The following ACOT11 variants were observed in gnomAD, a reference collection of about 807,000 sequenced individuals.
ACOT11 encodes acyl-coenzyme A thioesterase 11.
In ACOT11, 69 loss-of-function variants were observed where a neutral mutation model predicts 77.5. That is an observed-to-expected ratio of 0.89 (90% confidence interval 0.73 to 1.09). The LOEUF (loss-of-function observed/expected upper bound fraction) is 1.09. ACOT11 is among the 50% of genes least tolerant of loss of function. ACOT11 has a pLI of 0.00. For synonymous variants in ACOT11, 279 were observed against 313.0 expected (o/e 0.89, Z 1.15); for missense variants, 766 against 813.7 (o/e 0.94, Z 0.71).
At chr1:54,628,606 A>AAAAAAGG (rs1456514617) in intron 15 of ACOT11, among the ~76,000 whole-genome samples, 3 of 51,034 alleles carry the variant, frequency 5.9e-5, no homozygotes, top group African/African-American at 1.9e-4. Context: ...CCCCCCCCCC[A>AAAAAAGG]AAAAAGGAAA....
In ACOT11 at chr1:54,609,140, CTCCCACTCCATCCTG is replaced by C; in HGVS notation, c.*33_*47del. On this transcript the variant is annotated 3_prime_UTR_variant, in exon 16 of 16. Transcript: ENST00000343744. ...GCCCTCAGTGGCCACATCATGCCCA[CTCCCACTCCATCCTG>C]TCCCCAAGGACTCACATACAGTGCC... is the stretch of plus-strand genomic sequence containing the variant. The C allele has an allele frequency of 1.9e-6, 3 of 1,613,684 alleles. No individual in the cohort carries two copies. The highest frequency in any genetic ancestry group is 1.7e-6 in the Non-Finnish European group (2 of 1,179,750).
At chr1:54,598,610 G>A (rs578220079) in intron 7 of ACOT11, 4 of 152,388 alleles carry the variant, frequency 2.6e-5, no homozygotes, top group Admixed American at 2.6e-4. Context: ...CAGCGCTTTG[G>A]GAGGCTGAGG....
At chr1:54,597,119 C>CA (rs1348788967) in intron 6 of ACOT11, 140 bp from the exon 7 acceptor site, 1 of 1,067,046 alleles carries the variant, frequency 9.4e-7, no homozygotes, top group African/African-American at 1.6e-5. Context: ...CCCTCTGCCT[C>CA]ATGTGCACTC....
downstream of ACOT11, chr1:54,614,974 G>C: frequency 2.3e-6 from 2 of 887,722 alleles, no homozygotes; most frequent in Non-Finnish European, 3.4e-6. Flanking sequence ...GCACAGTGGA[G>C]TCAGGGGAGG....
intron 15 of ACOT11, chr1:54,619,992 G>A (rs748388523): frequency 1.2e-6 from 2 of 1,613,382 alleles, no homozygotes; most frequent in Non-Finnish European, 8.5e-7. Context: ...AGGGCTGCAG[G>A]CCTCCAGCTC....
At chr1:54,599,574 ATTTTCCCTTCTTGGGAGCC>A in intron 8 of ACOT11, 159 bp downstream of exon 8, 1 of 914,116 alleles carries the variant, frequency 1.1e-6, no homozygotes. Context: ...TTCAGCTCTG[ATTTTCCCTTCTTGGGAGCC>A]TTCCCTGGCT....
At chr1:54,622,049 AGAT>A (rs1187122217) in intron 15 of ACOT11, among the ~76,000 whole-genome samples, 3 of 152,046 alleles carry the variant, frequency 2.0e-5, no homozygotes, top group African/African-American at 4.8e-5. Context: ...CAAGGTGGGC[AGAT>A]CACCTGAGGT....
intron 15 of ACOT11, among the ~76,000 whole-genome samples, chr1:54,622,768 C>T (rs1019865182): frequency 6.8e-6 from 1 of 147,622 alleles, no homozygotes; most frequent in Non-Finnish European, 1.5e-5. Flanking sequence ...GGACTTTCTG[C>T]TGGGGAAGTC....
chr1:54,614,058 A>G (rs764765274), downstream of ACOT11, among the ~76,000 whole-genome samples: 2 of 152,250 alleles, frequency 1.3e-5, no homozygotes, highest in Non-Finnish European at 2.9e-5. Flanking sequence ...TGGGACACAT[A>G]ATAAACTTCG....
rs563745954 is a variant in ACOT11, at chr1:54,632,038, C to T, written c.1782+1152C>T. 2.6e-5 allele frequency among the ~76,000 whole-genome samples: 4 copies of T among 152,100 alleles called. No homozygotes were observed. In the South Asian group the frequency reaches 6.2e-4, roughly 24 times the overall value. ...TGGAGCTTGTTTTAACTGTGGGAAG[C>T]GTGGTCATACTAAAAAAGAATGTAG... is the stretch of plus-strand genomic sequence containing the variant. On this transcript the variant is annotated intron_variant, in intron 16 of 16. Transcript: ENST00000371316.
intron 16 of ACOT11, among the ~76,000 whole-genome samples, chr1:54,633,489 T>G (rs1644313108): frequency 6.6e-6 from 1 of 152,246 alleles, no homozygotes; most frequent in Non-Finnish European, 1.5e-5. Context: ...GACTGTTTCT[T>G]TACTATACCT....
At position 54,599,496 on chromosome 1, in the gene ACOT11, C is replaced by A. The variant is rs1643938364; in HGVS notation, c.884+81C>A. The A allele has an allele frequency of 5.0e-6, 7 of 1,390,976 alleles. No homozygotes were observed. In the South Asian group the frequency reaches 9.8e-5, roughly 19 times the overall value. The allele number at this position is 1,390,976 out of a possible 1,614,324, so 86.2% of individuals were successfully genotyped here. A position where few individuals can be genotyped will look rare whatever the true frequency, so the allele number is the denominator to read the frequency against. On this transcript the variant is annotated intron_variant, in intron 8 of 15. Transcript: ENST00000343744. Reference sequence around the variant, plus strand: ...ACCCTAGAAAGGACCCTACTTCAAACTGTCCAGGAGCCCTTTGCCCTGCAG... The same window carrying A: ...ACCCTAGAAAGGACCCTACTTCAAAATGTCCAGGAGCCCTTTGCCCTGCAG...
chr1:54,620,161 G>A (rs927103195), intron 15 of ACOT11, among the ~76,000 whole-genome samples: 1 of 152,220 alleles, frequency 6.6e-6, no homozygotes, highest in Non-Finnish European at 1.5e-5. Flanking sequence ...TGCTACAATA[G>A]AGGGAAATGA....
chr1:54,616,683 T>C (rs535272347), intron 15 of ACOT11, among the ~76,000 whole-genome samples: 9 of 152,280 alleles, frequency 5.9e-5, no homozygotes, highest in African/African-American at 2.2e-4. Context: ...CTATGCATAG[T>C]TTTTACACAG....
At chr1:54,638,873 T>C (rs1295877141) in exon 17 of ACOT11, 1 of 152,070 alleles carries the variant, frequency 6.6e-6, no homozygotes, top group Non-Finnish European at 1.5e-5. Context: ...TGGACTTTGC[T>C]CACTAAAGTT....
At chr1:54,561,075 AT>A (rs1478376336) in intron 1 of ACOT11, among the ~76,000 whole-genome samples, 1 of 69,850 alleles carries the variant, frequency 1.4e-5, no homozygotes, top group African/African-American at 9.8e-5. Flanking sequence ...TGCTTGGCTG[AT>A]TTTTTATTTT....
intron 15 of ACOT11, chr1:54,619,768 T>C: frequency 1.5e-6 from 2 of 1,309,604 alleles, no homozygotes; most frequent in South Asian, 2.6e-5. Flanking sequence ...ACAGCCATCA[T>C]GCCACCACAG....
In ACOT11 at chr1:54,605,186, G is replaced by A. The variant is rs1325946642; in HGVS notation, c.1347G>A (p.Arg449=). The A allele has an allele frequency of 2.5e-6, 4 of 1,613,562 alleles. No individual in the cohort carries two copies. Among genetic ancestry groups the A allele is most frequent in the Non-Finnish European group, 3.4e-6 (4 of 1,180,020 alleles). ...AFLLLSDLRQ[R]PEWDKHYRSV... ...TGCTGCTCTCGGACCTGCGTCAGAGGCCAGAGTGGGACAAGCACTACCGGT... is the reference window on the plus strand; with the variant it reads ...TGCTGCTCTCGGACCTGCGTCAGAGACCAGAGTGGGACAAGCACTACCGGT... Residue 449 remains arginine, a synonymous_variant, in exon 13 of 16, where the codon AGG becomes AGA. Transcript: ENST00000343744.
chr1:54,634,716 T>A (rs752275596), exon 17 of ACOT11: 1 of 702,596 alleles, frequency 1.4e-6, no homozygotes, highest in Non-Finnish European at 2.6e-6. Context: ...TTTGGATACC[T>A]TCAAGACACC....
Sources: allele counts gnomAD v4.1 joint callset (sites outside exome capture counted in the v4.1 genomes callset), GRCh38; gene constraint gnomAD v4.1.1; transcripts MANE v1.5; gene names NCBI Gene and HGNC (gene_info 2026-07-23, HGNC 2026-07-21).